Variants in LPP observed in about 807,000 individuals in gnomAD.
LPP encodes lipoma-preferred partner.
A neutral mutation model predicts 60.4 loss-of-function variants in LPP; 38 were observed. That is an observed-to-expected ratio of 0.63 (90% CI 0.49 to 0.83). The LOEUF is 0.83. LPP is among the 40% of genes least tolerant of loss of function. The pLI is 0.00. For synonymous variants in LPP, 328 were observed against 290.8 expected (o/e 1.13, Z -1.30); for missense variants, 902 against 783.6 (o/e 1.15, Z -1.80).
intron 2 of LPP, among the ~76,000 whole-genome samples, chr3:188,267,842 C>A (rs1736128935): frequency 6.6e-6 from 1 of 152,090 alleles, no homozygotes; most frequent in South Asian, 2.1e-4. Flanking sequence ...CCCAGGACCC[C>A]CCAGACCTCC....
intron 8 of LPP, among the ~76,000 whole-genome samples, chr3:188,744,768 T>C (rs1218188838): frequency 6.6e-6 from 1 of 152,204 alleles, no homozygotes; most frequent in Non-Finnish European, 1.5e-5. Context: ...AATGTATATA[T>C]GGTCATCCCA....
Position 188,800,402 on chromosome 3 carries a change from C to A in LPP, c.1410+40120C>A, listed in dbSNP as rs150870024. Among the ~76,000 whole-genome samples the A allele has an allele frequency of 3.8e-4, 57 of 151,794 alleles. No individual in the cohort carries two copies. The South Asian group carries it at 0.011, about 30-fold the overall frequency. ...CTGGGACTACAGGTGTCTGCCACCA[C>A]GCCCGGCTAATTTTTTGTATTTTTA... On this transcript the variant is annotated intron_variant, in intron 9 of 11. Coordinates refer to ENST00000617246, the MANE Select transcript of LPP (RefSeq NM_001375462.1).
intron 7 of LPP, among the ~76,000 whole-genome samples, chr3:188,644,892 T>C (rs1850823632): frequency 6.6e-6 from 1 of 152,198 alleles, no homozygotes; most frequent in Admixed American, 6.5e-5. Flanking sequence ...AAGAGATTAG[T>C]GTAAACTGTG....
chr3:188,518,912 A>G (rs1438777410), intron 5 of LPP, among the ~76,000 whole-genome samples: 3 of 152,062 alleles, frequency 2.0e-5, no homozygotes, highest in Admixed American at 2.0e-4. Context: ...TTCATAGCAC[A>G]GGACTTTTCA....
At position 188,881,846 on chromosome 3, in the gene LPP, T is replaced by C. The variant is rs906797090; in HGVS notation, c.*7367T>C. The stretch of plus-strand genomic sequence containing the variant: ...GTTCTACTTTAATATATGGACACTT[T>C]ACAGGTTATACATAAATATTTGCTG... On this transcript the variant is annotated 3_prime_UTR_variant, in exon 12 of 12. Coordinates refer to ENST00000617246, the MANE Select transcript of LPP (RefSeq NM_001375462.1). The C allele has an allele frequency of 4.7e-5, 10 of 214,188 alleles. No homozygotes were observed. Among genetic ancestry groups the C allele is most frequent in the Non-Finnish European group, 8.5e-5 (9 of 106,058 alleles). The allele number at this position is 214,188 out of a possible 1,614,324, so 13.3% of individuals were successfully genotyped here. A position where few individuals can be genotyped will look rare whatever the true frequency, so the allele number is the denominator to read the frequency against.
At chr3:188,546,686 A>T (rs1311537234) in intron 6 of LPP, among the ~76,000 whole-genome samples, 2 of 152,210 alleles carry the variant, frequency 1.3e-5, no homozygotes, top group Non-Finnish European at 2.9e-5. Flanking sequence ...ATTCAGGGGC[A>T]TCTATTCTCG....
At chr3:188,830,756 A>G (rs1209324056) in intron 9 of LPP, among the ~76,000 whole-genome samples, 2 of 152,216 alleles carry the variant, frequency 1.3e-5, no homozygotes, top group Non-Finnish European at 2.9e-5. Flanking sequence ...AAATTCAGTG[A>G]TGCTCAGAGC....
chr3:188,523,851 A>AT (rs982833968), intron 5 of LPP, among the ~76,000 whole-genome samples: 3 of 152,032 alleles, frequency 2.0e-5, no homozygotes, highest in Admixed American at 6.6e-5. Flanking sequence ...TTAAAAGGTT[A>AT]TTTTTTTACT....
At chr3:188,561,913 T>A (rs1178639747) in intron 6 of LPP, among the ~76,000 whole-genome samples, 1 of 151,798 alleles carries the variant, frequency 6.6e-6, no homozygotes, top group Non-Finnish European at 1.5e-5. Flanking sequence ...AAAGTGCACT[T>A]TCTAATGAGA....
chr3:188,417,689 A>G (rs995586743), intron 4 of LPP, among the ~76,000 whole-genome samples: 5 of 152,208 alleles, frequency 3.3e-5, no homozygotes, highest in Admixed American at 6.5e-5. Context: ...CACAGGCAAG[A>G]AGTACTTTCC....
intron 8 of LPP, among the ~76,000 whole-genome samples, chr3:188,717,221 T>C (rs1560108270): frequency 6.6e-6 from 1 of 152,250 alleles, no homozygotes; most frequent in Non-Finnish European, 1.5e-5. Flanking sequence ...GTTAACACCA[T>C]GTTGCTGAAT....
chr3:188,430,857 A>G (rs565260009), intron 4 of LPP, among the ~76,000 whole-genome samples: 1 of 152,096 alleles, frequency 6.6e-6, no homozygotes, highest in African/African-American at 2.4e-5. Context: ...TTTTTTTTAT[A>G]TGTAGAAGTT....
chr3:188,872,705 A>T lies in LPP; in HGVS notation c.1652A>T (p.Glu551Val), dbSNP rs1051262722. The change falls in exon 11 of 12, where the codon GAG (glutamate) becomes GTG (valine). Residue 551 changes from glutamate to valine, a missense_variant. By Grantham distance (121) the Glu-to-Val change is moderately radical. Coordinates refer to ENST00000617246, the MANE Select transcript of LPP (RefSeq NM_001375462.1). ...ATTATGCCAGCCCCGGGCCAGGAGG[A>T]GACTGTCCGTATTGTGGCTTTGGAT... ...EPIMPAPGQEETVRIVALDRD... is the reference protein window; with the variant it reads ...EPIMPAPGQEVTVRIVALDRD... The T allele has an allele frequency of 6.2e-7, 1 of 1,614,116 alleles. No homozygotes were observed. Among genetic ancestry groups the T allele is most frequent in the Admixed American group, 1.7e-5 (1 of 60,014 alleles).
chr3:188,415,675 T>C (rs1437667541), intron 4 of LPP, among the ~76,000 whole-genome samples: 1 of 150,802 alleles, frequency 6.6e-6, no homozygotes, highest in African/African-American at 2.4e-5. Context: ...ATGAAAAAAC[T>C]GTCTCGAAAG....
chr3:188,754,051 G>A (rs1257769541), intron 8 of LPP, among the ~76,000 whole-genome samples: 1 of 152,186 alleles, frequency 6.6e-6, no homozygotes, highest in Non-Finnish European at 1.5e-5. Context: ...CAAGAAAATA[G>A]TGAGAACTCA....
intron 2 of LPP, among the ~76,000 whole-genome samples, chr3:188,329,305 C>T (rs1759333872): frequency 6.6e-6 from 1 of 152,156 alleles, no homozygotes; most frequent in Admixed American, 6.5e-5. Context: ...TTTCCTGCTC[C>T]ACTTTCAGGA....
intron 5 of LPP, among the ~76,000 whole-genome samples, chr3:188,509,377 G>A (rs1225550260): frequency 6.6e-6 from 1 of 152,058 alleles, no homozygotes; most frequent in African/African-American, 2.4e-5. Flanking sequence ...AAGAGTATAC[G>A]ACTTGGTCAA....
intron 8 of LPP, among the ~76,000 whole-genome samples, chr3:188,719,027 G>A (rs1026012048): frequency 2.0e-5 from 3 of 152,086 alleles, no homozygotes; most frequent in African/African-American, 7.2e-5. Flanking sequence ...ATATAAACTA[G>A]AGTAAGACAT....
intron 6 of LPP, among the ~76,000 whole-genome samples, chr3:188,546,445 G>T (rs1826675307): frequency 6.6e-6 from 1 of 152,076 alleles, no homozygotes; most frequent in African/African-American, 2.4e-5. Context: ...TTTGAGAGAG[G>T]TGGGTCTGAG....
Sources: gnomAD v4.1 joint callset for allele counts (sites outside exome capture counted in the v4.1 genomes callset) on GRCh38, gnomAD v4.1.1 for gene constraint, MANE v1.5 for transcripts, NCBI Gene and HGNC (gene_info 2026-07-23, HGNC 2026-07-21) for gene names.